KIT: variants seen among roughly 807,000 people sequenced by gnomAD.
The protein encoded by KIT is mast/stem cell growth factor receptor Kit.
KIT carries 16 observed loss-of-function variants against 105.7 expected under a neutral mutation model. The ratio of observed to expected loss-of-function variants is 0.15; its 90% confidence interval spans 0.10 to 0.23. KIT has a LOEUF of 0.23. Among genes scored for constraint, KIT ranks in the 10% least tolerant of loss-of-function variants. KIT has a pLI of 1.00. For synonymous variants in KIT, 438 were observed against 441.1 expected, an observed-to-expected ratio of 0.99 and a Z score of 0.09; for missense variants, 858 against 1,213.8, an observed-to-expected ratio of 0.71 and a Z score of 4.36.
intron 1 of KIT, among the ~76,000 whole-genome samples, chr4:54,665,212 C>G (rs1422613858): frequency 6.6e-6 from 1 of 152,130 alleles, no homozygotes; most frequent in Non-Finnish European, 1.5e-5. Flanking sequence ...TAGTATAAGT[C>G]AGAATTTTCT....
intron 6 of KIT, among the ~76,000 whole-genome samples, chr4:54,708,744 T>C (rs370132965): frequency 5.9e-5 from 9 of 151,752 alleles, no homozygotes; most frequent in African/African-American, 2.2e-4. Context: ...GGCAAGTTGG[T>C]GTTGTGGCCC....
chr4:54,706,435 G>A (rs1720793420), intron 5 of KIT, among the ~76,000 whole-genome samples: 1 of 151,758 alleles, frequency 6.6e-6, no homozygotes, highest in Admixed American at 6.6e-5. Context: ...CCTTTTTCCT[G>A]TTACATTAAT....
At chr4:54,690,060 G>GGT (rs1553886399) in intron 1 of KIT, among the ~76,000 whole-genome samples, 2 of 121,692 alleles carry the variant, frequency 1.6e-5, no homozygotes, top group African/African-American at 6.4e-5. Flanking sequence ...TTTTTTTGTG[G>GGT]GGGGGGGGGG....
At chr4:54,726,783 T>G (rs1204532046) in intron 9 of KIT, among the ~76,000 whole-genome samples, 1 of 118,646 alleles carries the variant, frequency 8.4e-6, no homozygotes, top group African/African-American at 3.5e-5. Flanking sequence ...TTAAAAATGT[T>G]TTTTTTTTTT....
chr4:54,699,799 G>A (rs1211465126), intron 4 of KIT, 33 bp downstream of exon 4: 2 of 1,612,586 alleles, frequency 1.2e-6, no homozygotes, highest in South Asian at 2.2e-5. Context: ...CTCATGTTCT[G>A]TCTCTGTGGG....
intron 20 of KIT, 139 bp downstream of exon 20, chr4:54,737,419 G>A: frequency 1.4e-6 from 1 of 713,692 alleles, no homozygotes; most frequent in Non-Finnish European, 2.6e-6. Context: ...CTTCAGGTAG[G>A]GGAAGTAAAG....
intron 4 of KIT, among the ~76,000 whole-genome samples, chr4:54,700,379 G>A (rs532216055): frequency 6.5e-4 from 99 of 152,244 alleles, no homozygotes; most frequent in Middle Eastern, 3.4e-3. Context: ...GCATGCTTAC[G>A]TTCCCATTCA....
intron 1 of KIT, among the ~76,000 whole-genome samples, chr4:54,670,754 C>T (rs1304787208): frequency 6.6e-6 from 1 of 152,170 alleles, no homozygotes; most frequent in South Asian, 2.1e-4. Flanking sequence ...TTCACTCTCC[C>T]TTCTTCCTGG....
intron 1 of KIT, among the ~76,000 whole-genome samples, chr4:54,690,594 A>T (rs1719643283): frequency 6.6e-6 from 1 of 152,186 alleles, no homozygotes; most frequent in Admixed American, 6.5e-5. Flanking sequence ...ACAGAAAACA[A>T]CTCTTAATAT....
In KIT at chr4:54,698,534, G is replaced by T. The variant is rs1060504650; in HGVS notation, c.588G>T (p.Leu196=). ...TGGACCAGGAGGGCAAGTCAGTGCTGTCGGAAAAATTCATCCTGAAAGTGA... is the reference window on the plus strand; with the variant it reads ...TGGACCAGGAGGGCAAGTCAGTGCTTTCGGAAAAATTCATCCTGAAAGTGA... ...CSVDQEGKSV[L]SEKFILKVRP... The change falls in exon 3 of 21, where the codon CTG becomes CTT. Residue 196 remains leucine, a synonymous_variant. Coordinates refer to ENST00000288135, the MANE Select transcript of KIT (RefSeq NM_000222.3). 1.5e-5 allele frequency: 24 copies of T among 1,614,054 alleles called. No individual in the cohort carries two copies. The highest frequency in any genetic ancestry group is 1.9e-5 in the Non-Finnish European group (23 of 1,180,028).
intron 1 of KIT, among the ~76,000 whole-genome samples, chr4:54,681,775 C>T (rs946456524): frequency 6.6e-6 from 1 of 152,040 alleles, no homozygotes; most frequent in Non-Finnish European, 1.5e-5. Flanking sequence ...CATGGTGGCT[C>T]ACACCTGTAA....
intron 1 of KIT, among the ~76,000 whole-genome samples, chr4:54,660,291 C>T (rs1016820174): frequency 1.1e-4 from 17 of 152,168 alleles, no homozygotes; most frequent in Non-Finnish European, 2.1e-4. Flanking sequence ...AGGGCCCCCG[C>T]CCCCCAAGTA....
In KIT at chr4:54,740,144, C is replaced by T. The variant is rs1385292388; in HGVS notation, c.*1587C>T. ...TTCAGGTATGTTGCCTTTATGGTTTCCCCCTTCTACATTTCTTAGACTACA... is the reference window on the plus strand; with the variant it reads ...TTCAGGTATGTTGCCTTTATGGTTTTCCCCTTCTACATTTCTTAGACTACA... On this transcript the variant is annotated 3_prime_UTR_variant, in exon 21 of 21. Coordinates refer to ENST00000288135, the MANE Select transcript of KIT (RefSeq NM_000222.3). The T allele has an allele frequency of 4.3e-6, 1 of 233,608 alleles. No individual in the cohort carries two copies. Among genetic ancestry groups the T allele is most frequent in the East Asian group, 6.0e-5 (1 of 16,566 alleles). 14.5% of individuals were successfully genotyped at this position (233,608 alleles called of 1,614,324 possible). A position where few individuals can be genotyped will look rare whatever the true frequency, so the allele number is the denominator to read the frequency against.
At position 54,725,878 on chromosome 4, in the gene KIT, AGTGGAT is replaced by A. The variant is rs756523952; in HGVS notation, c.1372_1377del (p.Asp458_Val459del). On this transcript the variant is annotated inframe_deletion, in exon 9 of 21. Coordinates refer to ENST00000288135, the MANE Select transcript of KIT (RefSeq NM_000222.3). ...TTAGATGCTCTGCTTCTGTACTGCC[AGTGGAT>A]GTGCAGACACTAAACTCATCTGGGC... is the stretch of plus-strand genomic sequence containing the variant. The A allele has an allele frequency of 9.3e-6, 15 of 1,614,076 alleles. No homozygotes were observed.
chr4:54,720,209 T>C (rs1479298700), intron 7 of KIT, among the ~76,000 whole-genome samples: 1 of 152,156 alleles, frequency 6.6e-6, no homozygotes, highest in Non-Finnish European at 1.5e-5. Context: ...TGTGCATTTA[T>C]TCTCTTCCCT....
chr4:54,731,726 C>A, intron 15 of KIT, 145 bp from the exon 16 acceptor site: 3 of 845,904 alleles, frequency 3.5e-6, no homozygotes, highest in Non-Finnish European at 5.9e-6. Flanking sequence ...CAGCATCTAC[C>A]TTTCCTGGAC....
intron 7 of KIT, among the ~76,000 whole-genome samples, chr4:54,711,128 G>A (rs1427336869): frequency 6.6e-6 from 1 of 152,162 alleles, no homozygotes; most frequent in Admixed American, 6.5e-5. Flanking sequence ...CGATCCTTCT[G>A]CCTTGTCCTC....
At chr4:54,714,753 A>G (rs1721361732) in intron 7 of KIT, among the ~76,000 whole-genome samples, 2 of 152,234 alleles carry the variant, frequency 1.3e-5, no homozygotes, top group South Asian at 2.1e-4. Context: ...TTTACGGATC[A>G]TAAATAGATC....
intron 2 of KIT, among the ~76,000 whole-genome samples, chr4:54,697,887 A>G (rs1041618512): frequency 6.6e-6 from 1 of 152,132 alleles, no homozygotes; most frequent in Non-Finnish European, 1.5e-5. Context: ...AGTTTTCCCA[A>G]AGTTTTAAGA....
Sources: gnomAD v4.1 joint callset for allele counts (sites outside exome capture counted in the v4.1 genomes callset) on GRCh38, gnomAD v4.1.1 for gene constraint, MANE v1.5 for transcripts, NCBI Gene and HGNC (gene_info 2026-07-23, HGNC 2026-07-21) for gene names.